CA10: variants seen among roughly 807,000 people sequenced by gnomAD.
CA10 encodes carbonic anhydrase 10 (inactive), also known as carbonic anhydrase-related protein 10.
In CA10, 14 loss-of-function variants were observed where a neutral mutation model predicts 44.2. The ratio of observed to expected loss-of-function variants is 0.32; its 90% CI spans 0.21 to 0.50. The LOEUF (loss-of-function observed/expected upper bound fraction) is 0.50, where lower values mean the gene tolerates loss of function less well. Among genes scored for constraint, CA10 ranks in the 20% least tolerant of loss-of-function variants. The pLI, the probability that CA10 is intolerant of heterozygous loss-of-function variation, is 0.99. For missense variants in CA10, 350 were observed against 409.7 expected (o/e 0.85, Z 1.26); for synonymous variants, 159 against 141.6 (o/e 1.12, Z -0.87).
At chr17:52,052,769 A>G (rs1027856518) in intron 2 of CA10, among the ~76,000 whole-genome samples, 2 of 152,124 alleles carry the variant, frequency 1.3e-5, no homozygotes, top group Middle Eastern at 3.2e-3. Context: ...AGCAGCTTAC[A>G]TAGGGCAATA....
chr17:51,919,471 T>C (rs1982137647), intron 3 of CA10, among the ~76,000 whole-genome samples: 1 of 152,218 alleles, frequency 6.6e-6, no homozygotes, highest in South Asian at 2.1e-4. Context: ...TGTCTCAGGC[T>C]GCTTGACAGG....
chr17:51,829,274 G>A (rs1332889095), intron 3 of CA10, among the ~76,000 whole-genome samples: 2 of 152,190 alleles, frequency 1.3e-5, no homozygotes, highest in African/African-American at 4.8e-5. Flanking sequence ...CTTCCCTGCA[G>A]TTTCCTCCTT....
At chr17:51,998,135 C>G (rs760831378) in intron 2 of CA10, among the ~76,000 whole-genome samples, 61 of 152,200 alleles carry the variant, frequency 4.0e-4, no homozygotes, top group Admixed American at 7.9e-4. Flanking sequence ...TAAGTTGTTC[C>G]ATTAGGTGGG....
At chr17:51,659,955 G>A (rs1913939009) in intron 4 of CA10, among the ~76,000 whole-genome samples, 1 of 152,180 alleles carries the variant, frequency 6.6e-6, no homozygotes, top group Non-Finnish European at 1.5e-5. Context: ...TTGGCTCAGA[G>A]GAGATGTTGG....
intron 1 of CA10, among the ~76,000 whole-genome samples, chr17:52,122,244 T>C (rs1382631242): frequency 6.6e-6 from 1 of 152,202 alleles, no homozygotes; most frequent in Non-Finnish European, 1.5e-5. Flanking sequence ...GATAGATAAA[T>C]TATATTCTAA....
chr17:52,156,274 T>G (rs1222255089), intron 1 of CA10, among the ~76,000 whole-genome samples: 1 of 152,190 alleles, frequency 6.6e-6, no homozygotes, highest in Admixed American at 6.5e-5. Context: ...TCTGGACATA[T>G]GACTGATATA....
intron 4 of CA10, among the ~76,000 whole-genome samples, chr17:51,745,529 G>C (rs1304918465): frequency 6.6e-6 from 1 of 152,150 alleles, no homozygotes; most frequent in East Asian, 1.9e-4. Context: ...ATTCTTTGGT[G>C]CACCTGATAC....
At chr17:51,771,122 CAAAAAAAAAAAAAAA>C (rs71357854) in intron 3 of CA10, among the ~76,000 whole-genome samples, 16 of 37,676 alleles carry the variant, frequency 4.2e-4, no homozygotes, top group African/African-American at 2.0e-3. Flanking sequence ...GACTCCGTCT[CAAAAAAAAAAAAAAA>C]AAAAAAAAAA....
At chr17:51,927,627 A>T (rs572957095) in intron 3 of CA10, among the ~76,000 whole-genome samples, 4 of 152,306 alleles carry the variant, frequency 2.6e-5, no homozygotes, top group East Asian at 3.9e-4. Flanking sequence ...ATACACTAAA[A>T]TTAAAACACA....
At chr17:52,045,173 AAACC>A (rs2144198760) in intron 2 of CA10, among the ~76,000 whole-genome samples, 1 of 151,522 alleles carries the variant, frequency 6.6e-6, no homozygotes, top group South Asian at 2.1e-4. Context: ...CAAATACAGA[AAACC>A]AACCATCAAC....
At chr17:51,786,844 G>A (rs540640260) in intron 3 of CA10, among the ~76,000 whole-genome samples, 37 of 152,028 alleles carry the variant, frequency 2.4e-4, no homozygotes, top group African/African-American at 6.0e-4. Flanking sequence ...GGTGAGGTAC[G>A]TTCTTTCTAT....
chr17:52,035,554 A>G (rs182484199), intron 2 of CA10, among the ~76,000 whole-genome samples: 2 of 152,196 alleles, frequency 1.3e-5, no homozygotes, highest in Non-Finnish European at 2.9e-5. Context: ...GCCTCACACA[A>G]AAAAACAAAA....
intron 1 of CA10, among the ~76,000 whole-genome samples, chr17:52,155,161 C>T (rs1989779053): frequency 6.6e-6 from 1 of 152,196 alleles, no homozygotes; most frequent in Non-Finnish European, 1.5e-5. Flanking sequence ...ATAATGAAGC[C>T]AACTCTATCA....
At chr17:51,909,661 C>T (rs1858981900) in intron 3 of CA10, among the ~76,000 whole-genome samples, 1 of 152,074 alleles carries the variant, frequency 6.6e-6, no homozygotes, top group African/African-American at 2.4e-5. Context: ...CTTTTGATAG[C>T]TTTTTATTTA....
At chr17:51,722,455 T>C (rs1216177566) in intron 4 of CA10, among the ~76,000 whole-genome samples, 2 of 152,218 alleles carry the variant, frequency 1.3e-5, no homozygotes, top group Non-Finnish European at 2.9e-5. Flanking sequence ...TGTAATCTGG[T>C]TCTATTTCAT....
At chr17:51,754,447 ATC>A (rs1491355616) in intron 3 of CA10, among the ~76,000 whole-genome samples, 1 of 117,288 alleles carries the variant, frequency 8.5e-6, no homozygotes, top group African/African-American at 3.2e-5. Context: ...ATATATATAT[ATC>A]ACGTAAAATA....
chr17:52,052,515 A>G (rs1479484061), intron 2 of CA10, among the ~76,000 whole-genome samples: 1 of 152,020 alleles, frequency 6.6e-6, no homozygotes, highest in African/African-American at 2.4e-5. Context: ...ATTACAGAAA[A>G]GATATTAGAA....
intron 2 of CA10, among the ~76,000 whole-genome samples, chr17:52,062,809 G>A (rs1206279229): frequency 6.6e-6 from 1 of 152,244 alleles, no homozygotes; most frequent in Non-Finnish European, 1.5e-5. Context: ...GAAGCCTTCT[G>A]CAGGGAAGGA....
At chr17:51,889,956 T>G (rs550424399) in intron 3 of CA10, among the ~76,000 whole-genome samples, 12 of 152,318 alleles carry the variant, frequency 7.9e-5, no homozygotes, top group African/African-American at 2.6e-4. Context: ...TCTCCCAGTT[T>G]GCAAGCAGTC....
Sources: gnomAD v4.1 joint callset for allele counts (sites outside exome capture counted in the v4.1 genomes callset) on GRCh38, gnomAD v4.1.1 for gene constraint, MANE v1.5 for transcripts, NCBI Gene and HGNC (gene_info 2026-07-23, HGNC 2026-07-21) for gene names.